TBX4: variants seen among roughly 807,000 people sequenced by gnomAD.
TBX4 encodes the protein T-box transcription factor TBX4.
In TBX4, 13 loss-of-function variants were observed where a neutral mutation model predicts 54.6. The ratio of observed to expected loss-of-function variants is 0.24; its 90% CI spans 0.15 to 0.38. The LOEUF (loss-of-function observed/expected upper bound fraction) is 0.38. TBX4 is among the 10% of genes least tolerant of loss of function. The pLI, the probability that TBX4 is intolerant of heterozygous loss-of-function variation, is 1.00. For missense variants in TBX4, 631 were observed against 728.5 expected, an observed-to-expected ratio of 0.87 and a Z score of 1.54; for synonymous variants, 314 against 306.7, an observed-to-expected ratio of 1.02 and a Z score of -0.25.
chr17:61,457,505 C>T lies in TBX4; in HGVS notation c.187-32C>T. ...GCTCCGCGTGGAGCCCTGGGCCTGG[C>T]AGACACAAGTTTCTCTCCCTCCCAT... On this transcript the variant is annotated intron_variant, in intron 2 of 8. Coordinates refer to ENST00000644296, the MANE Select transcript of TBX4 (RefSeq NM_001321120.2). The surrounding 1 kb of genome is among the most constrained non-coding windows in gnomAD (Gnocchi z 8.2). 6.3e-7 allele frequency: 1 copy of T among 1,599,442 alleles called. No homozygotes were observed. The highest frequency in any genetic ancestry group is 8.6e-7 in the Non-Finnish European group (1 of 1,166,796).
intron 5 of TBX4, among the ~76,000 whole-genome samples, chr17:61,470,628 G>A (rs917330017): frequency 2.6e-5 from 4 of 152,134 alleles, no homozygotes; most frequent in African/African-American, 9.7e-5. Context: ...GGCAGATTCA[G>A]ACCTGGGCGT....
chr17:61,452,951 A>G, intron 1 of TBX4: 4 of 985,458 alleles, frequency 4.1e-6, no homozygotes, highest in Non-Finnish European at 4.8e-6. Context: ...GCCAAGGAAG[A>G]GGGCCCCGGT....
intron 5 of TBX4, among the ~76,000 whole-genome samples, chr17:61,477,396 C>CAAA (rs2060628561): frequency 1.3e-5 from 2 of 152,236 alleles, no homozygotes; most frequent in African/African-American, 4.8e-5. Context: ...GCCTCCAGGG[C>CAAA]GCTTTGCTAA....
intron 5 of TBX4, 86 bp downstream of exon 5, chr17:61,467,743 C>A: frequency 6.5e-7 from 1 of 1,544,986 alleles, no homozygotes; most frequent in Non-Finnish European, 8.9e-7. Flanking sequence ...TAGGGAGAAT[C>A]CACTCCGGGA....
At position 61,480,194 on chromosome 17, in the gene TBX4, C is replaced by A. The variant is rs766046321; in HGVS notation, c.896C>A (p.Ala299Glu). The part of the protein sequence containing the change: ...DVGPLLGTHQ[A>E]LQHYQHENGA... The stretch of plus-strand genomic sequence containing the variant: ...GGCCCCCTGCTCGGCACCCACCAGG[C>A]ACTCCAGCACTACCAGCACGAGAAC... The change falls in exon 8 of 9, where the codon GCA becomes GAA. Residue 299 changes from alanine (A) to glutamate (E), a missense_variant. This residue lies in a region of TBX4 where 354 missense variants were observed against 368.9 expected (regional missense o/e 0.96). Coordinates refer to ENST00000644296, the MANE Select transcript of TBX4 (RefSeq NM_001321120.2). This position sits in a 1 kb window ranked among gnomAD's most constrained non-coding sequence, Gnocchi z 6.2. 6.2e-7 allele frequency: 1 copy of A among 1,614,188 alleles called. No individual in the cohort carries two copies. Among genetic ancestry groups the A allele is most frequent in the South Asian group, 1.1e-5 (1 of 91,080 alleles).
At chr17:61,473,722 C>T (rs1359272498) in intron 5 of TBX4, among the ~76,000 whole-genome samples, 1 of 152,238 alleles carries the variant, frequency 6.6e-6, no homozygotes, top group African/African-American at 2.4e-5. Context: ...CTCCCTGACC[C>T]TCAGTCCCTT....
rs1327974055 is a variant in TBX4, at chr17:61,465,673, G to A, written c.282-146G>A. ...GCTCGGGCAGAGGGGGAAGTGAGTT[G>A]TGCAGGTCACACAGCTGTGACCAAT... On this transcript the variant is annotated intron_variant, in intron 3 of 8. Transcript: ENST00000644296. This position sits in a 1 kb window ranked among gnomAD's most constrained non-coding sequence, Gnocchi z 4.9. 2 of 1,049,530 alleles carry A rather than the reference G, an allele frequency of 1.9e-6. No individual in the cohort carries two copies. Among genetic ancestry groups the A allele is most frequent in the African/African-American group, 1.6e-5 (1 of 64,022 alleles). The allele number at this position is 1,049,530 out of a possible 1,614,324, so 65.0% of individuals were successfully genotyped here.
At position 61,478,442 on chromosome 17, in the gene TBX4, T is replaced by C; in HGVS notation, c.550-185T>C. The stretch of plus-strand genomic sequence containing the variant: ...GCAGAGAGGCTAAGTAGGGCTGGGG[T>C]GGGGAGAGTTTGGGGCCCAGGGGCC... On this transcript the variant is annotated intron_variant, in intron 5 of 8. Transcript: ENST00000644296. The surrounding 1 kb of genome is among the most constrained non-coding windows in gnomAD (Gnocchi z 7.4). The C allele has an allele frequency of 2.8e-6, 2 of 703,720 alleles. No homozygotes were observed. Among genetic ancestry groups the C allele is most frequent in the Admixed American group, 4.7e-5 (2 of 42,180 alleles). The allele number at this position is 703,720 out of a possible 1,614,324, so 43.6% of individuals were successfully genotyped here. A position where few individuals can be genotyped will look rare whatever the true frequency, so the allele number is the denominator to read the frequency against.
At position 61,478,348 on chromosome 17, in the gene TBX4, G is replaced by A; in HGVS notation, c.550-279G>A. 2.0e-6 allele frequency: 1 copy of A among 504,968 alleles called. No homozygotes were observed. The highest frequency in any genetic ancestry group is 3.6e-6 in the Non-Finnish European group (1 of 278,282). The allele number at this position is 504,968 out of a possible 1,614,324, so 31.3% of individuals were successfully genotyped here. ...TTGACAGTGTTAAGGGCTGACTCAAGTTCTCCATTACCACAGTGAATCAAC... is the reference window on the plus strand; with the variant it reads ...TTGACAGTGTTAAGGGCTGACTCAAATTCTCCATTACCACAGTGAATCAAC... On this transcript the variant is annotated intron_variant, in intron 5 of 8. Coordinates refer to ENST00000644296, the MANE Select transcript of TBX4 (RefSeq NM_001321120.2). The surrounding 1 kb of genome is among the most constrained non-coding windows in gnomAD (Gnocchi z 7.4).
chr17:61,465,993 C>T lies in TBX4; in HGVS notation c.401+55C>T, dbSNP rs2060534424. 6.2e-7 allele frequency: 1 copy of T among 1,609,390 alleles called. No homozygotes were observed. Among genetic ancestry groups the T allele is most frequent in the African/African-American group, 1.3e-5 (1 of 74,796 alleles). Reference sequence around the variant, plus strand: ...TTCCCTCAACTGCCCACTTGCCACGCCCCCACCTAGTGTTTTGTCCGGGGG... The same window carrying T: ...TTCCCTCAACTGCCCACTTGCCACGTCCCCACCTAGTGTTTTGTCCGGGGG... On this transcript the variant is annotated intron_variant, in intron 4 of 8. Transcript: ENST00000644296. The surrounding 1 kb of genome is among the most constrained non-coding windows in gnomAD (Gnocchi z 4.9).
chr17:61,470,450 C>A (rs2060568781), intron 5 of TBX4, among the ~76,000 whole-genome samples: 1 of 152,182 alleles, frequency 6.6e-6, no homozygotes, highest in Non-Finnish European at 1.5e-5. Context: ...GCACATGGGG[C>A]CCTGGAACAG....
intron 3 of TBX4, chr17:61,463,125 T>C (rs2060509665): frequency 6.6e-6 from 1 of 152,300 alleles, no homozygotes; most frequent in Non-Finnish European, 1.5e-5. Flanking sequence ...CGGTAGTGCT[T>C]AGGGCCCCCC....
At position 61,465,847 on chromosome 17, in the gene TBX4, G is replaced by A. The variant is rs1349206008; in HGVS notation, c.310G>A (p.Val104Ile). ...RRMFPSYKVKVTGMNPKTKYI... is the reference protein window; with the variant it reads ...RRMFPSYKVKITGMNPKTKYI... ...GATGTTCCCCAGCTACAAGGTAAAA[G>A]TCACAGGCATGAACCCCAAGACCAA... is the stretch of plus-strand genomic sequence containing the variant. Residue 104 changes from valine (V) to isoleucine (I), a missense_variant, in exon 4 of 9, where the codon GTC becomes ATC. Coordinates refer to ENST00000644296, the MANE Select transcript of TBX4 (RefSeq NM_001321120.2). The surrounding 1 kb of genome is among the most constrained non-coding windows in gnomAD (Gnocchi z 4.9). The A allele has an allele frequency of 1.2e-6, 2 of 1,614,118 alleles. No individual in the cohort carries two copies. Among genetic ancestry groups the A allele is most frequent in the Non-Finnish European group, 1.7e-6 (2 of 1,180,000 alleles).
At position 61,472,921 on chromosome 17, in the gene TBX4, G is replaced by A. The variant is rs2060591398; in HGVS notation, c.549+5264G>A. Among the ~76,000 whole-genome samples the A allele has an allele frequency of 3.9e-5, 6 of 152,086 alleles. No homozygotes were observed. The South Asian group carries it at 8.3e-4, about 21-fold the overall frequency. On this transcript the variant is annotated intron_variant, in intron 5 of 8. Transcript: ENST00000644296. This position sits in a 1 kb window ranked among gnomAD's most constrained non-coding sequence, Gnocchi z 4.5. ...TATATGAATGTGTGCCTGTTCACAC[G>A]CCAGTCTTTTAACTGTTGAGACTGG... is the stretch of plus-strand genomic sequence containing the variant.
chr17:61,452,983 G>A (rs1199774629), intron 1 of TBX4: 1 of 985,300 alleles, frequency 1.0e-6, no homozygotes, highest in Non-Finnish European at 1.2e-6. Flanking sequence ...AATCCGTGTA[G>A]ATATGTGAGT....
In TBX4 at chr17:61,480,435, T is replaced by C; in HGVS notation, c.1021+116T>C. 3 of 980,846 alleles carry C rather than the reference T, an allele frequency of 3.1e-6. No homozygotes were observed. Among genetic ancestry groups the C allele is most frequent in the Middle Eastern group, 3.0e-4 (1 of 3,320 alleles). 60.8% of individuals were successfully genotyped at this position (980,846 alleles called of 1,614,324 possible). On this transcript the variant is annotated intron_variant, in intron 8 of 8. Transcript: ENST00000644296. This position sits in a 1 kb window ranked among gnomAD's most constrained non-coding sequence, Gnocchi z 6.2. Reference sequence around the variant, plus strand: ...CACACACACTCATCTCGTGCTTGTGTGGCCTGGGAGAGTGGGCCTGAAGGG... The same window carrying C: ...CACACACACTCATCTCGTGCTTGTGCGGCCTGGGAGAGTGGGCCTGAAGGG...
In TBX4 at chr17:61,476,436, G is replaced by A. The variant is rs2060620518; in HGVS notation, c.550-2191G>A. 6.6e-6 allele frequency among the ~76,000 whole-genome samples: 1 copy of A among 152,234 alleles called. No homozygotes were observed. Among genetic ancestry groups the A allele is most frequent in the South Asian group, 2.1e-4 (1 of 4,830 alleles). On this transcript the variant is annotated intron_variant, in intron 5 of 8. Transcript: ENST00000644296. This position sits in a 1 kb window ranked among gnomAD's most constrained non-coding sequence, Gnocchi z 6.5. ...CGGGCCACCTCCCAGGTATTCCATTGCTGGATCTTCCGGGAACGTGGGTCC... is the reference window on the plus strand; with the variant it reads ...CGGGCCACCTCCCAGGTATTCCATTACTGGATCTTCCGGGAACGTGGGTCC...
At chr17:61,471,682 C>CA (rs1456135407) in intron 5 of TBX4, among the ~76,000 whole-genome samples, 1 of 151,664 alleles carries the variant, frequency 6.6e-6, no homozygotes, top group Non-Finnish European at 1.5e-5. Context: ...ATAGTCTATT[C>CA]AGAGAGGGCT....
chr17:61,453,119 G>A, intron 1 of TBX4: 1 of 498,054 alleles, frequency 2.0e-6, no homozygotes, highest in East Asian at 1.5e-4. Context: ...CCAAAGAAAG[G>A]GCTAATCGGC....
Sources: gnomAD v4.1 joint callset for allele counts (sites outside exome capture counted in the v4.1 genomes callset) on GRCh38, gnomAD v4.1.1 for gene constraint, gnomAD v4.1.1 regional missense constraint, Gnocchi (gnomAD v3.1) non-coding constraint, MANE v1.5 for transcripts, NCBI Gene and HGNC (gene_info 2026-07-23, HGNC 2026-07-21) for gene names.